The following TYR variants were observed in gnomAD, a reference collection of about 807,000 sequenced individuals.
The protein encoded by TYR is LB24-AB.
A neutral mutation model predicts 51.5 loss-of-function variants in TYR; 58 were observed. The observed-to-expected ratio is 1.13, with a 90% CI of 0.91 to 1.40. The LOEUF is 1.40. TYR is among the 40% of genes most tolerant of loss of function. TYR has a pLI of 0.00. For missense variants in TYR, 732 were observed against 647.4 expected (o/e 1.13, Z -1.42); for synonymous variants, 263 against 235.2 (o/e 1.12, Z -1.08).
intron 1 of TYR, among the ~76,000 whole-genome samples, chr11:89,180,754 C>A (rs766135398): frequency 6.6e-6 from 1 of 152,114 alleles, no homozygotes; most frequent in African/African-American, 2.4e-5. Context: ...TTGCTGCTCA[C>A]CTACTATGTT....
intron 2 of TYR, among the ~76,000 whole-genome samples, chr11:89,209,433 A>C (rs989725170): frequency 6.6e-6 from 1 of 152,196 alleles, no homozygotes; most frequent in East Asian, 1.9e-4. Context: ...TTCTATGCTC[A>C]CAGTGTAAAC....
intron 3 of TYR, among the ~76,000 whole-genome samples, chr11:89,245,728 C>A (rs1281528548): frequency 6.6e-6 from 1 of 152,076 alleles, no homozygotes; most frequent in Non-Finnish European, 1.5e-5. Context: ...CAAGACCATC[C>A]TGGCTAACAT....
intron 3 of TYR, among the ~76,000 whole-genome samples, chr11:89,243,827 T>A (rs1234923758): frequency 1.3e-5 from 2 of 152,292 alleles, no homozygotes; most frequent in East Asian, 1.9e-4. Context: ...ATTAAAATTA[T>A]GTGTATTTAT....
chr11:89,251,839 G>A (rs1238828398), intron 3 of TYR, among the ~76,000 whole-genome samples: 1 of 151,750 alleles, frequency 6.6e-6, no homozygotes, highest in Non-Finnish European at 1.5e-5. Flanking sequence ...TCTGTGAGGT[G>A]CCTTGATGCT....
chr11:89,235,955 T>C (rs911066533), intron 3 of TYR, among the ~76,000 whole-genome samples: 1 of 152,188 alleles, frequency 6.6e-6, no homozygotes, highest in African/African-American at 2.4e-5. Context: ...CCTGTAATTA[T>C]TATTTGTCAA....
At chr11:89,279,959 TTAA>T (rs1944702045) in intron 3 of TYR, among the ~76,000 whole-genome samples, 1 of 151,762 alleles carries the variant, frequency 6.6e-6, no homozygotes, top group African/African-American at 2.4e-5. Context: ...TCTCCATTTA[TTAA>T]TTTGTATATT....
chr11:89,293,747 T>G, intron 4 of TYR: 1 of 178,250 alleles, frequency 5.6e-6, no homozygotes, highest in Non-Finnish European at 1.3e-5. Flanking sequence ...ACAATTAAGC[T>G]TCATCATCTG....
At chr11:89,286,522 A>G (rs1228720486) in intron 4 of TYR, among the ~76,000 whole-genome samples, 2 of 151,838 alleles carry the variant, frequency 1.3e-5, no homozygotes, top group Non-Finnish European at 2.9e-5. Flanking sequence ...ACAGAGTCAT[A>G]AAGAGTATAA....
chr11:89,229,642 C>G (rs1237513592), intron 3 of TYR, among the ~76,000 whole-genome samples: 1 of 151,672 alleles, frequency 6.6e-6, no homozygotes, highest in Non-Finnish European at 1.5e-5. Flanking sequence ...CCCTTATACA[C>G]AGAAAAGCCT....
chr11:89,272,899 C>T (rs759485539), intron 3 of TYR, among the ~76,000 whole-genome samples: 17 of 151,930 alleles, frequency 1.1e-4, no homozygotes, highest in Admixed American at 5.3e-4. Flanking sequence ...CTTCAACTTC[C>T]TCACTGCTCT....
intron 2 of TYR, among the ~76,000 whole-genome samples, chr11:89,227,180 A>T (rs1943987258): frequency 6.6e-6 from 1 of 152,128 alleles, no homozygotes; most frequent in African/African-American, 2.4e-5. Context: ...AGCATACTCA[A>T]CATTTAGAAA....
At position 89,227,853 on chromosome 11, in the gene TYR, A is replaced by G. The variant is rs180801021; in HGVS notation, c.1067A>G (p.Asp356Gly). ...GFASPLTGIA[D>G]ASQSSMHNAL... Reference sequence around the variant, plus strand: ...GCTAGTCCACTTACTGGGATAGCGGATGCCTCTCAAAGCAGCATGCACAAT... The same window carrying G: ...GCTAGTCCACTTACTGGGATAGCGGGTGCCTCTCAAAGCAGCATGCACAAT... The change falls in exon 3 of 5, where the codon GAT (aspartate) becomes GGT (glycine). Residue 356 changes from aspartate (D) to glycine (G), a missense_variant. Physicochemically the swap from Asp to Gly is moderately conservative, Grantham distance 94. Coordinates refer to ENST00000263321, the MANE Select transcript of TYR (RefSeq NM_000372.5). 5.6e-6 allele frequency: 9 copies of G among 1,613,316 alleles called. No individual in the cohort carries two copies. The highest frequency in any genetic ancestry group is 7.6e-6 in the Non-Finnish European group (9 of 1,179,674).
chr11:89,237,782 C>G (rs946865485), intron 3 of TYR, among the ~76,000 whole-genome samples: 6 of 151,916 alleles, frequency 3.9e-5, no homozygotes, highest in African/African-American at 1.5e-4. Context: ...TAGGTAGTAT[C>G]AACATTTTAA....
intron 3 of TYR, among the ~76,000 whole-genome samples, chr11:89,256,489 A>G (rs1482539567): frequency 1.3e-5 from 2 of 150,460 alleles, no homozygotes; most frequent in African/African-American, 4.9e-5. Context: ...GTGTGTGTAT[A>G]TGTGTGTGTT....
At chr11:89,219,056 T>C (rs1439600197) in intron 2 of TYR, among the ~76,000 whole-genome samples, 1 of 152,216 alleles carries the variant, frequency 6.6e-6, no homozygotes, top group Non-Finnish European at 1.5e-5. Context: ...GAAGATTACA[T>C]AAGTCAGTAT....
intron 3 of TYR, among the ~76,000 whole-genome samples, chr11:89,229,554 T>G (rs1196137964): frequency 7.0e-6 from 1 of 142,924 alleles, no homozygotes; most frequent in Non-Finnish European, 1.5e-5. Context: ...CAATTAGCAA[T>G]TAGGCAAAAA....
intron 3 of TYR, among the ~76,000 whole-genome samples, chr11:89,278,013 C>T (rs1944676374): frequency 1.3e-5 from 2 of 151,662 alleles, no homozygotes; most frequent in Admixed American, 6.6e-5. Flanking sequence ...CATGATTTGG[C>T]CTCAGTTCAC....
At chr11:89,254,446 G>C (rs1187546613) in intron 3 of TYR, among the ~76,000 whole-genome samples, 3 of 151,556 alleles carry the variant, frequency 2.0e-5, no homozygotes, top group Non-Finnish European at 4.4e-5. Flanking sequence ...GACTGTGTCT[G>C]GTCCAGGACC....
intron 2 of TYR, among the ~76,000 whole-genome samples, chr11:89,204,890 A>G (rs1370349235): frequency 1.3e-5 from 2 of 152,120 alleles, no homozygotes; most frequent in Non-Finnish European, 2.9e-5. Flanking sequence ...TATCTCAAAT[A>G]ATAGGTTGAA....
Sources: gnomAD v4.1 joint callset for allele counts (sites outside exome capture counted in the v4.1 genomes callset) on GRCh38, gnomAD v4.1.1 for gene constraint, MANE v1.5 for transcripts, NCBI Gene and HGNC (gene_info 2026-07-23, HGNC 2026-07-21) for gene names.